The following FAM162B variants were observed in gnomAD, a reference collection of about 807,000 sequenced individuals.
FAM162B encodes protein FAM162B.
In FAM162B, 16 loss-of-function variants were observed where a neutral mutation model predicts 20.0. The ratio of observed to expected loss-of-function variants is 0.80; its 90% CI spans 0.54 to 1.21. The LOEUF is 1.21. FAM162B is among the 50% of genes most tolerant of loss of function. The pLI, the probability that FAM162B is intolerant of heterozygous loss-of-function variation, is 0.00. For synonymous variants in FAM162B, 83 were observed against 89.7 expected, an observed-to-expected ratio of 0.93 and a Z score of 0.42; for missense variants, 260 against 227.5, an observed-to-expected ratio of 1.14 and a Z score of -0.92.
At chr6:116,759,218 A>G (rs1250023940) in intron 3 of FAM162B, among the ~76,000 whole-genome samples, 1 of 149,302 alleles carries the variant, frequency 6.7e-6, no homozygotes, top group African/African-American at 2.5e-5. Flanking sequence ...ATATTGCATG[A>G]TTTTTAATTT....
chr6:116,757,751 C>T (rs1235007725), intron 3 of FAM162B, among the ~76,000 whole-genome samples: 1 of 127,924 alleles, frequency 7.8e-6, no homozygotes, highest in African/African-American at 3.2e-5. Flanking sequence ...TGTCCTCCTC[C>T]ACCAAAAAAA....
At position 116,765,410 on chromosome 6, in the gene FAM162B, C is replaced by T; in HGVS notation, c.167G>A (p.Gly56Asp). 2.1e-6 allele frequency: 3 copies of T among 1,459,680 alleles called. No individual in the cohort carries two copies. The highest frequency in any genetic ancestry group is 2.7e-6 in the Non-Finnish European group (3 of 1,104,038). 90.4% of individuals were successfully genotyped at this position (1,459,680 alleles called of 1,614,324 possible). Residue 56 changes from glycine (G) to aspartate (D), a missense_variant, in exon 1 of 4, where the codon GGT becomes GAT. Gly to Asp is a moderately conservative substitution (Grantham distance 94, BLOSUM62 -1). Transcript: ENST00000368557. ...GGAPSNSGPQ[G>D]HGEIHRVPTQ... is the part of the protein sequence containing the mutation. ...CCGTCGGAGCCCTGGCTCACCGTGA[C>T]CTTGGGGCCCAGAATTGCTGGGGGC... is the stretch of plus-strand genomic sequence containing the variant.
intron 3 of FAM162B, among the ~76,000 whole-genome samples, chr6:116,755,367 G>A (rs191770226): frequency 6.6e-6 from 1 of 152,188 alleles, no homozygotes; most frequent in East Asian, 1.9e-4. Context: ...GCCTAATATG[G>A]AGCAAGGCCC....
chr6:116,756,627 T>C (rs1474948072), intron 3 of FAM162B, among the ~76,000 whole-genome samples: 1 of 152,214 alleles, frequency 6.6e-6, no homozygotes, highest in Non-Finnish European at 1.5e-5. Flanking sequence ...GCCTGCTACA[T>C]GGAAATCTTT....
At position 116,765,578 on chromosome 6, in the gene FAM162B, C is replaced by A; in HGVS notation, c.-2G>T. 3.0e-6 allele frequency: 4 copies of A among 1,338,754 alleles called. 1 individual carries two copies. The South Asian group carries it at 6.5e-5, about 22-fold the overall frequency. 82.9% of individuals were successfully genotyped at this position (1,338,754 alleles called of 1,614,324 possible). A position where few individuals can be genotyped will look rare whatever the true frequency, so the allele number is the denominator to read the frequency against. On this transcript the variant is annotated 5_prime_UTR_variant, in exon 1 of 4. Transcript: ENST00000368557. ...TAGGCTCCCGACCGCCCTGAGCATG[C>A]TGCCCGCTTGTCCCGCGCCGCACCC...
rs772271439 is a variant in FAM162B at position 116,765,562 on chromosome 6, GACC to G, written c.12_14del (p.Val5del). 1.0e-5 allele frequency: 14 copies of G among 1,373,510 alleles called. No homozygotes were observed. Among genetic ancestry groups the G allele is most frequent in the Non-Finnish European group, 1.3e-5 (14 of 1,072,262 alleles). The allele number at this position is 1,373,510 out of a possible 1,614,324, so 85.1% of individuals were successfully genotyped here. A position where few individuals can be genotyped will look rare whatever the true frequency, so the allele number is the denominator to read the frequency against. Reference sequence around the variant, plus strand: ...CGCGGCCAAGGCGCAGTAGGCTCCCGACCGCCCTGAGCATGCTGCCCGCTTGTC... The same window carrying G: ...CGCGGCCAAGGCGCAGTAGGCTCCCGGCCCTGAGCATGCTGCCCGCTTGTC... On this transcript the variant is annotated inframe_deletion, in exon 1 of 4. Transcript: ENST00000368557.
chr6:116,756,636 T>G (rs951284970), intron 3 of FAM162B, among the ~76,000 whole-genome samples: 1 of 152,184 alleles, frequency 6.6e-6, no homozygotes, highest in Non-Finnish European at 1.5e-5. Flanking sequence ...ATGGAAATCT[T>G]TCATGAAAGA....
Position 116,762,097 on chromosome 6 carries a change from T to C in FAM162B, c.282-12A>G. ...CTATCATTTCTGGCCTAAACAAAGA[T>C]GTGTATTTTGTTAAATATGTAAAAG... On this transcript the variant is annotated splice_polypyrimidine_tract_variant and intron_variant, in intron 2 of 3. Coordinates refer to ENST00000368557, the MANE Select transcript of FAM162B (RefSeq NM_001085480.3). The C allele has an allele frequency of 6.5e-7, 1 of 1,532,126 alleles. No homozygotes were observed. The highest frequency in any genetic ancestry group is 8.9e-7 in the Non-Finnish European group (1 of 1,122,764). 94.9% of individuals were successfully genotyped at this position (1,532,126 alleles called of 1,614,324 possible).
chr6:116,761,315 A>G (rs1780138163), intron 3 of FAM162B, among the ~76,000 whole-genome samples: 1 of 152,138 alleles, frequency 6.6e-6, no homozygotes, highest in Admixed American at 6.5e-5. Flanking sequence ...TGAGAAAGGC[A>G]AGGAAAGGGC....
chr6:116,755,495 G>A (rs970740021), intron 3 of FAM162B, among the ~76,000 whole-genome samples: 2 of 152,220 alleles, frequency 1.3e-5, no homozygotes, highest in Non-Finnish European at 2.9e-5. Flanking sequence ...CATAACAAAA[G>A]TGCAAGGTGA....
At chr6:116,759,696 C>T (rs78220357) in intron 3 of FAM162B, among the ~76,000 whole-genome samples, 8 of 152,228 alleles carry the variant, frequency 5.3e-5, no homozygotes, top group African/African-American at 1.9e-4. Flanking sequence ...TACACTGGAT[C>T]CCCAATGTAT....
intron 2 of FAM162B, among the ~76,000 whole-genome samples, chr6:116,763,259 C>G (rs954368218): frequency 6.6e-6 from 1 of 152,102 alleles, no homozygotes; most frequent in African/African-American, 2.4e-5. Flanking sequence ...TGGCTTTAAT[C>G]TATTATAACA....
chr6:116,759,176 A>G (rs1354101193), intron 3 of FAM162B, among the ~76,000 whole-genome samples: 1 of 151,942 alleles, frequency 6.6e-6, no homozygotes, highest in Non-Finnish European at 1.5e-5. Context: ...TCTTGTGGCC[A>G]CTGGTAGTGT....
intron 2 of FAM162B, among the ~76,000 whole-genome samples, chr6:116,762,326 T>C (rs1231850458): frequency 6.6e-6 from 1 of 152,176 alleles, no homozygotes; most frequent in African/African-American, 2.4e-5. Flanking sequence ...GTATAGAATA[T>C]TAGTTTCTAA....
intron 3 of FAM162B, among the ~76,000 whole-genome samples, chr6:116,753,884 T>G (rs1780022043): frequency 6.6e-6 from 1 of 152,134 alleles, no homozygotes; most frequent in Non-Finnish European, 1.5e-5. Flanking sequence ...TTGGAAGACG[T>G]GGCCAACAGA....
intron 3 of FAM162B, among the ~76,000 whole-genome samples, chr6:116,761,707 T>G (rs1366339710): frequency 6.9e-6 from 1 of 145,750 alleles, no homozygotes; most frequent in Non-Finnish European, 1.5e-5. Flanking sequence ...AATACTTATA[T>G]ATATACTTGT....
At chr6:116,759,022 T>A (rs1780089004) in intron 3 of FAM162B, among the ~76,000 whole-genome samples, 1 of 152,182 alleles carries the variant, frequency 6.6e-6, no homozygotes, top group Non-Finnish European at 1.5e-5. Flanking sequence ...ATATAAATTT[T>A]AGACTTAGTT....
intron 3 of FAM162B, among the ~76,000 whole-genome samples, chr6:116,757,144 G>A (rs1434245646): frequency 9.9e-5 from 15 of 152,042 alleles, no homozygotes. Flanking sequence ...CATCAGGGAG[G>A]GTAAGAAATT....
intron 2 of FAM162B, 51 bp from the exon 3 acceptor site, chr6:116,762,136 T>C: frequency 7.1e-7 from 1 of 1,416,888 alleles, no homozygotes; most frequent in Non-Finnish European, 9.6e-7. Context: ...TATGGTTTTC[T>C]GACAGGCATG....
Sources: allele counts gnomAD v4.1 joint callset (sites outside exome capture counted in the v4.1 genomes callset), GRCh38; gene constraint gnomAD v4.1.1; transcripts MANE v1.5; gene names NCBI Gene and HGNC (gene_info 2026-07-23, HGNC 2026-07-21).